The following ST6GALNAC3 variants were observed in gnomAD, a reference collection of about 807,000 sequenced individuals.
ST6GALNAC3 encodes the protein ST6 N-acetylgalactosaminide alpha-2,6-sialyltransferase 3.
In ST6GALNAC3, 25 loss-of-function variants were observed where a neutral mutation model predicts 32.7. The ratio of observed to expected loss-of-function variants is 0.76; its 90% confidence interval spans 0.56 to 1.07. The LOEUF is 1.07. Among genes scored for constraint, ST6GALNAC3 ranks in the 50% least tolerant of loss-of-function variants. The pLI is 0.00. For missense variants in ST6GALNAC3, 355 were observed against 382.4 expected, an observed-to-expected ratio of 0.93 and a Z score of 0.60; for synonymous variants, 129 against 133.1, an observed-to-expected ratio of 0.97 and a Z score of 0.21.
At position 76,455,620 on chromosome 1, in the gene ST6GALNAC3, C is replaced by T. The variant is rs189753761; in HGVS notation, c.623+43203C>T. On this transcript the variant is annotated intron_variant, in intron 3 of 4. Coordinates refer to ENST00000328299, the MANE Select transcript of ST6GALNAC3 (RefSeq NM_152996.4). ...GTTGAAAACCAATTCTCCATTGTGT[C>T]CGTTGCTCTCTTTATTTCAAGTACT... Among the ~76,000 whole-genome samples the T allele has an allele frequency of 1.8e-4, 27 of 152,192 alleles. 1 individual carries two copies. The East Asian group carries it at 5.2e-3, about 29-fold the overall frequency.
intron 3 of ST6GALNAC3, among the ~76,000 whole-genome samples, chr1:76,531,026 C>A (rs571089546): frequency 6.6e-6 from 1 of 152,250 alleles, no homozygotes; most frequent in African/African-American, 2.4e-5. Context: ...AAAAGAAAAT[C>A]TAAGGCCAGT....
At chr1:76,408,188 C>T (rs1287764973) in intron 2 of ST6GALNAC3, among the ~76,000 whole-genome samples, 2 of 151,998 alleles carry the variant, frequency 1.3e-5, no homozygotes, top group South Asian at 4.1e-4. Flanking sequence ...CCCCCACACT[C>T]TTGTCATACT....
At chr1:76,559,671 A>G (rs1665133239) in intron 3 of ST6GALNAC3, among the ~76,000 whole-genome samples, 1 of 152,176 alleles carries the variant, frequency 6.6e-6, no homozygotes, top group South Asian at 2.1e-4. Context: ...TGTACACAGA[A>G]TAAAACACCT....
chr1:76,625,768 C>A (rs1648929818), intron 3 of ST6GALNAC3, among the ~76,000 whole-genome samples: 1 of 151,850 alleles, frequency 6.6e-6, no homozygotes. Context: ...TCTTCCCATT[C>A]ATTTTGCATC....
chr1:76,547,811 C>T (rs1026552418), intron 3 of ST6GALNAC3, among the ~76,000 whole-genome samples: 9 of 149,070 alleles, frequency 6.0e-5, no homozygotes, highest in African/African-American at 1.5e-4. Flanking sequence ...GAGCCAGGAT[C>T]GCGCCACTGC....
intron 1 of ST6GALNAC3, among the ~76,000 whole-genome samples, chr1:76,304,416 C>T (rs1256289224): frequency 1.4e-5 from 2 of 139,750 alleles, no homozygotes; most frequent in Non-Finnish European, 3.1e-5. Flanking sequence ...TATCCATGAA[C>T]TAGAAGCCAA....
chr1:76,407,098 G>A (rs568295149), intron 2 of ST6GALNAC3, among the ~76,000 whole-genome samples: 13 of 151,910 alleles, frequency 8.6e-5, no homozygotes, highest in Non-Finnish European at 7.4e-5. Context: ...TTCCTGTAAG[G>A]TGGCAAAATG....
intron 1 of ST6GALNAC3, among the ~76,000 whole-genome samples, chr1:76,290,629 C>T (rs1207580231): frequency 6.6e-6 from 1 of 152,130 alleles, no homozygotes; most frequent in Non-Finnish European, 1.5e-5. Flanking sequence ...ATAGCATGTC[C>T]AGGACCAGAA....
chr1:76,474,080 A>G (rs1412879077), intron 3 of ST6GALNAC3, among the ~76,000 whole-genome samples: 1 of 152,162 alleles, frequency 6.6e-6, no homozygotes. Context: ...ACCCCAACAG[A>G]GACATTGGAC....
chr1:76,218,233 C>T (rs1296162170), intron 1 of ST6GALNAC3, among the ~76,000 whole-genome samples: 4 of 152,136 alleles, frequency 2.6e-5, no homozygotes, highest in African/African-American at 9.7e-5. Flanking sequence ...TTTGAATAGA[C>T]TATCAAAGGT....
chr1:76,226,059 T>C (rs1656049923), intron 1 of ST6GALNAC3, among the ~76,000 whole-genome samples: 1 of 152,222 alleles, frequency 6.6e-6, no homozygotes, highest in African/African-American at 2.4e-5. Context: ...ATATTATGGC[T>C]GCTTTTGACG....
intron 3 of ST6GALNAC3, among the ~76,000 whole-genome samples, chr1:76,468,323 T>A (rs1164506392): frequency 6.6e-6 from 1 of 152,070 alleles, no homozygotes; most frequent in Non-Finnish European, 1.5e-5. Context: ...TGCCTGTGAT[T>A]TAAGTAGCTA....
At chr1:76,624,463 C>G (rs747500342) in intron 3 of ST6GALNAC3, among the ~76,000 whole-genome samples, 2 of 151,898 alleles carry the variant, frequency 1.3e-5, no homozygotes, top group Non-Finnish European at 1.5e-5. Context: ...TCAGAAACGA[C>G]TGTGTGGGCT....
At chr1:76,590,613 C>T (rs939560410) in intron 3 of ST6GALNAC3, among the ~76,000 whole-genome samples, 5 of 151,976 alleles carry the variant, frequency 3.3e-5, no homozygotes, top group African/African-American at 9.7e-5. Context: ...TTTTTTAAAC[C>T]CATATTTAAA....
At chr1:76,122,430 A>G (rs1648940895) in intron 1 of ST6GALNAC3, among the ~76,000 whole-genome samples, 1 of 152,178 alleles carries the variant, frequency 6.6e-6, no homozygotes, top group Non-Finnish European at 1.5e-5. Flanking sequence ...AGAGGCAGGC[A>G]GGTGAACAAG....
chr1:76,237,490 C>T (rs1052947672), intron 1 of ST6GALNAC3, among the ~76,000 whole-genome samples: 1 of 152,066 alleles, frequency 6.6e-6, no homozygotes, highest in Non-Finnish European at 1.5e-5. Flanking sequence ...TTGAAGAGGC[C>T]ATTCAAAAAG....
intron 2 of ST6GALNAC3, among the ~76,000 whole-genome samples, chr1:76,391,533 TTCCTTC>T (rs2101155888): frequency 1.4e-5 from 1 of 69,372 alleles, no homozygotes; most frequent in East Asian, 2.8e-4. Context: ...CCTTCCTTCC[TTCCTTC>T]CTTCCTTCCT....
intron 1 of ST6GALNAC3, among the ~76,000 whole-genome samples, chr1:76,259,442 G>A (rs912742851): frequency 2.0e-5 from 3 of 152,140 alleles, no homozygotes; most frequent in African/African-American, 4.8e-5. Flanking sequence ...ATCACATGCA[G>A]TGTTGGGTAA....
chr1:76,613,560 C>T (rs1319367261), intron 3 of ST6GALNAC3, among the ~76,000 whole-genome samples: 1 of 152,194 alleles, frequency 6.6e-6, no homozygotes, highest in Non-Finnish European at 1.5e-5. Context: ...AATCTCATGT[C>T]AAATTGTAAT....
Sources: allele counts gnomAD v4.1 joint callset (sites outside exome capture counted in the v4.1 genomes callset), GRCh38; gene constraint gnomAD v4.1.1; transcripts MANE v1.5; gene names NCBI Gene and HGNC (gene_info 2026-07-23, HGNC 2026-07-21).